CGNL1: variants seen among roughly 807,000 people sequenced by gnomAD.
CGNL1 encodes cingulin-like protein 1.
In CGNL1, 132 loss-of-function variants were observed where a neutral mutation model predicts 141.2. That is an observed-to-expected ratio of 0.93 (90% confidence interval 0.81 to 1.08). The LOEUF (loss-of-function observed/expected upper bound fraction) is 1.08. Among genes scored for constraint, CGNL1 ranks in the 50% least tolerant of loss-of-function variants. The pLI, the probability that CGNL1 is intolerant of heterozygous loss-of-function variation, is 0.00. For missense variants in CGNL1, 1,870 were observed against 1,588.6 expected (o/e 1.18, Z -3.01); for synonymous variants, 690 against 622.1 (o/e 1.11, Z -1.63).
intron 1 of CGNL1, among the ~76,000 whole-genome samples, chr15:57,391,978 C>CA (rs1226028236): frequency 3.3e-5 from 5 of 151,314 alleles, no homozygotes; most frequent in South Asian, 2.1e-4. Flanking sequence ...TTCTTTCCCC[C>CA]CCCTCACCTG....
rs2063511937 is a variant in CGNL1, at chr15:57,466,380, T to C, written c.2403+4488T>C. Among the ~76,000 whole-genome samples, 6 of 152,190 alleles carry C rather than the reference T, an allele frequency of 3.9e-5. 1 individual carries two copies. In the South Asian group the frequency reaches 1.2e-3, roughly 31 times the overall value. On this transcript the variant is annotated intron_variant, in intron 8 of 18. Coordinates refer to ENST00000281282, the MANE Select transcript of CGNL1 (RefSeq NM_032866.5). ...TTAACCTTGTTCACAGCCGTTGGCT[T>C]ATTTTTTCCAAACCTAACCCTTCCT...
At chr15:57,544,433 C>G (rs150301787) in intron 15 of CGNL1, 40 bp from the exon 16 acceptor site, 1 of 1,612,888 alleles carries the variant, frequency 6.2e-7, no homozygotes. Context: ...CAGAGCGTGG[C>G]AGACACATAG....
intron 8 of CGNL1, among the ~76,000 whole-genome samples, chr15:57,490,451 G>T (rs1737963967): frequency 6.6e-6 from 1 of 152,036 alleles, no homozygotes; most frequent in Admixed American, 6.6e-5. Flanking sequence ...GATGAGGTAT[G>T]GCACAGGGAC....
chr15:57,386,733 C>T (rs929640873), intron 1 of CGNL1, among the ~76,000 whole-genome samples: 9 of 152,094 alleles, frequency 5.9e-5, no homozygotes, highest in African/African-American at 1.7e-4. Context: ...AAGATGGGTG[C>T]GAGGCTTCAG....
At chr15:57,390,678 A>G (rs1280821435) in intron 1 of CGNL1, among the ~76,000 whole-genome samples, 5 of 152,164 alleles carry the variant, frequency 3.3e-5, no homozygotes, top group African/African-American at 7.2e-5. Flanking sequence ...CATTTGGTGC[A>G]GGTACCAGCC....
intron 8 of CGNL1, among the ~76,000 whole-genome samples, chr15:57,475,288 G>A (rs1473260270): frequency 3.3e-5 from 5 of 152,116 alleles, no homozygotes; most frequent in African/African-American, 1.2e-4. Context: ...GTTGTCCCTG[G>A]TGAGCTTGGT....
chr15:57,471,657 G>A (rs1005879512), intron 8 of CGNL1, among the ~76,000 whole-genome samples: 12 of 152,186 alleles, frequency 7.9e-5, no homozygotes, highest in African/African-American at 2.9e-4. Flanking sequence ...GCTCACCGAT[G>A]GAGTGAGGAG....
In CGNL1 at chr15:57,409,713, G is replaced by A. The variant is rs1334120842; in HGVS notation, c.-15-28272G>A. ...CCATGTTCCATGTAAGTCAGGAGCT[G>A]TTAGGAAGAGTCAAGTCGGGCTGGG... On this transcript the variant is annotated intron_variant, in intron 1 of 18. Coordinates refer to ENST00000281282, the MANE Select transcript of CGNL1 (RefSeq NM_032866.5). 3.9e-5 allele frequency among the ~76,000 whole-genome samples: 6 copies of A among 152,288 alleles called. No individual in the cohort carries two copies. In the East Asian group the frequency reaches 1.2e-3, roughly 29 times the overall value.
At chr15:57,447,317 A>G (rs1481489097) in intron 4 of CGNL1, among the ~76,000 whole-genome samples, 1 of 152,136 alleles carries the variant, frequency 6.6e-6, no homozygotes, top group Admixed American at 6.5e-5. Flanking sequence ...CAGCCTGGAG[A>G]ACTATTTTTT....
At chr15:57,531,648 C>G in intron 13 of CGNL1, 42 bp from the exon 14 acceptor site, 3 of 1,288,422 alleles carry the variant, frequency 2.3e-6, no homozygotes, top group Non-Finnish European at 3.4e-6. Context: ...TAATCCCGGT[C>G]AGTGCAAGTT....
intron 1 of CGNL1, among the ~76,000 whole-genome samples, chr15:57,419,804 T>G (rs1431172596): frequency 6.6e-6 from 1 of 152,214 alleles, no homozygotes; most frequent in African/African-American, 2.4e-5. Context: ...CCTCTTTCTA[T>G]ACTCTAGCTT....
intron 14 of CGNL1, 35 bp downstream of exon 14, chr15:57,531,814 C>G: frequency 7.4e-7 from 1 of 1,352,620 alleles, no homozygotes; most frequent in African/African-American, 1.4e-5. Context: ...CGTGGATTGT[C>G]CTGTGTGAAA....
chr15:57,462,991 G>A (rs547079465), intron 8 of CGNL1, among the ~76,000 whole-genome samples: 53 of 152,186 alleles, frequency 3.5e-4, no homozygotes, highest in African/African-American at 1.3e-3. Flanking sequence ...CACCAGCCTG[G>A]TATCCTTGTG....
chr15:57,441,081 A>G (rs1338601909), intron 3 of CGNL1, among the ~76,000 whole-genome samples: 2 of 152,156 alleles, frequency 1.3e-5, no homozygotes, highest in Non-Finnish European at 2.9e-5. Flanking sequence ...GACAAAAAAA[A>G]AAAAAAAAGC....
chr15:57,390,972 G>A (rs2062536456), intron 1 of CGNL1, among the ~76,000 whole-genome samples: 1 of 152,018 alleles, frequency 6.6e-6, no homozygotes, highest in African/African-American at 2.4e-5. Context: ...ACCTGTAATA[G>A]TCAGTGACAG....
In CGNL1 at chr15:57,485,668, C is replaced by G. The variant is rs150422130; in HGVS notation, c.2403+23776C>G. 8.9e-3 allele frequency among the ~76,000 whole-genome samples: 1,354 copies of G among 152,250 alleles called. 22 individuals carry two copies. The highest frequency in any genetic ancestry group is 0.031 in the African/African-American group (1,287 of 41,544). On this transcript the variant is annotated intron_variant, in intron 8 of 18. Transcript: ENST00000281282. ...TATTTTGTAGTTGCTTTAGTAAAAACAAATGATAGAAAAAGCTTGCTTTAA... is the reference window on the plus strand; with the variant it reads ...TATTTTGTAGTTGCTTTAGTAAAAAGAAATGATAGAAAAAGCTTGCTTTAA...
intron 8 of CGNL1, among the ~76,000 whole-genome samples, chr15:57,515,954 C>T (rs1420765857): frequency 2.6e-5 from 4 of 151,808 alleles, no homozygotes; most frequent in Non-Finnish European, 4.4e-5. Flanking sequence ...CTCAGGAGAT[C>T]GAGACCATCC....
chr15:57,433,378 G>T (rs1302500182), intron 1 of CGNL1, among the ~76,000 whole-genome samples: 1 of 152,182 alleles, frequency 6.6e-6, no homozygotes, highest in African/African-American at 2.4e-5. Context: ...CCACTCAAAT[G>T]GTAGTAAGGG....
At chr15:57,446,655 C>A (rs184099900) in intron 4 of CGNL1, among the ~76,000 whole-genome samples, 141 of 142,778 alleles carry the variant, frequency 9.9e-4, no homozygotes, top group Middle Eastern at 3.7e-3. Context: ...TAATGCCAAA[C>A]TGAACATTAC....
Sources: allele counts gnomAD v4.1 joint callset (sites outside exome capture counted in the v4.1 genomes callset), GRCh38; gene constraint gnomAD v4.1.1; transcripts MANE v1.5; gene names NCBI Gene and HGNC (gene_info 2026-07-23, HGNC 2026-07-21).